VMO1: variants seen among roughly 807,000 people sequenced by gnomAD.
The protein encoded by VMO1 is vitelline membrane outer layer protein 1 homolog.
VMO1 carries 13 observed loss-of-function variants against 10.1 expected under a neutral mutation model. That is an observed-to-expected ratio of 1.29 (90% CI 0.84 to 2.05). VMO1 has a LOEUF of 2.05. Ranked by LOEUF, VMO1 falls within the 30% of genes most tolerant of loss-of-function variation. The pLI is 0.00. For synonymous variants in VMO1, 117 were observed against 122.2 expected (o/e 0.96, Z 0.28); for missense variants, 304 against 276.9 (o/e 1.10, Z -0.70).
Position 4,786,361 on chromosome 17 carries a change from G to C in VMO1, c.-9C>G. On this transcript the variant is annotated 5_prime_UTR_variant, in exon 1 of 3. Coordinates refer to ENST00000328739, the MANE Select transcript of VMO1 (RefSeq NM_182566.3). ...CCTGCGCCCCGCTCCATCCTGTAGCGTCTGTGAATCAGGCCTCCTAAGCAG... is the reference window on the plus strand; with the variant it reads ...CCTGCGCCCCGCTCCATCCTGTAGCCTCTGTGAATCAGGCCTCCTAAGCAG... 6.4e-7 allele frequency: 1 copy of C among 1,555,358 alleles called. No individual in the cohort carries two copies. Among genetic ancestry groups the C allele is most frequent in the Non-Finnish European group, 8.6e-7 (1 of 1,156,344 alleles).
Position 4,785,517 on chromosome 17 carries a change from G to A in VMO1, c.454C>T (p.Leu152=). 6.2e-7 allele frequency: 1 copy of A among 1,614,240 alleles called. No individual in the cohort carries two copies. The highest frequency in any genetic ancestry group is 1.1e-5 in the South Asian group (1 of 91,090). The change falls in exon 3 of 3, where the codon CTG becomes TTG. Residue 152 remains leucine (L), a synonymous_variant. Transcript: ENST00000328739. ...VRFRCSDGEE[L]QGPGLSWGDF... is the part of the protein sequence containing the mutation. ...CCCCAGCTCAGCCCAGGCCCCTGCA[G>A]TTCCTCGCCGTCTGAACAGCGGAAG...
rs375300214 is a variant in VMO1 at position 4,785,353 on chromosome 17, C to T, written c.*9G>A. Reference sequence around the variant, plus strand: ...CTGGCCCGGGAGAGAGCGGCGGCGGCGGCGCCGTTCAACTGCGGCAGCAGA... The same window carrying T: ...CTGGCCCGGGAGAGAGCGGCGGCGGTGGCGCCGTTCAACTGCGGCAGCAGA... On this transcript the variant is annotated 3_prime_UTR_variant, in exon 3 of 3. Transcript: ENST00000328739. 11 of 1,594,094 alleles carry T rather than the reference C, an allele frequency of 6.9e-6. No individual in the cohort carries two copies. The highest frequency in any genetic ancestry group is 3.4e-4 in the Middle Eastern group (2 of 5,962).
chr17:4,786,199 T>A lies in VMO1; in HGVS notation c.154A>T (p.Met52Leu). 1 of 1,608,928 alleles carries A rather than the reference T, an allele frequency of 6.2e-7. No individual in the cohort carries two copies. The highest frequency in any genetic ancestry group is 8.5e-7 in the Non-Finnish European group (1 of 1,176,954). Residue 52 changes from methionine (M) to leucine (L), a missense_variant, in exon 1 of 3, where the codon ATG becomes TTG. Physicochemically the swap from Met to Leu is conservative, Grantham distance 15. Transcript: ENST00000328739. ...GPWGDWAWPE[M>L]CPDGFFASGF... The stretch of plus-strand genomic sequence containing the variant: ...CTGGCGAAGAATCCATCGGGACACA[T>A]CTCAGGCCAGGCCCAGTCGCCCCAG...
chr17:4,786,193 G>C lies in VMO1; in HGVS notation c.160C>G (p.Pro54Ala). 6.2e-7 allele frequency: 1 copy of C among 1,607,076 alleles called. No homozygotes were observed. The highest frequency in any genetic ancestry group is 8.5e-7 in the Non-Finnish European group (1 of 1,175,506). The change falls in exon 1 of 3, where the codon CCC (proline) becomes GCC (alanine). Residue 54 changes from proline (P) to alanine (A), a missense_variant. Transcript: ENST00000328739. ...WGDWAWPEMC[P>A]DGFFASGFSL... ...AACCCGCTGGCGAAGAATCCATCGGGACACATCTCAGGCCAGGCCCAGTCG... is the reference window on the plus strand; with the variant it reads ...AACCCGCTGGCGAAGAATCCATCGGCACACATCTCAGGCCAGGCCCAGTCG...
chr17:4,785,628 G>A lies in VMO1; in HGVS notation c.343C>T (p.Arg115Cys), dbSNP rs1917454563. 1.2e-6 allele frequency: 2 copies of A among 1,612,060 alleles called. No homozygotes were observed. Among genetic ancestry groups the A allele is most frequent in the East Asian group, 2.2e-5 (1 of 44,872 alleles). Residue 115 changes from arginine to cysteine, a missense_variant, in exon 3 of 3, where the codon CGC (arginine) becomes TGC (cysteine). Physicochemically the swap from Arg to Cys is radical, Grantham distance 180. Transcript: ENST00000328739. ...WGEWSEPLWC[R>C]GGAYLVAFSL... ...AAAGCCACTAGGTAGGCGCCGCCGC[G>A]ACACCACAGCGGCTCACTCCATTCG...
rs562567490 is a variant in VMO1 at position 4,785,334 on chromosome 17, C to T, written c.*28G>A. On this transcript the variant is annotated 3_prime_UTR_variant, in exon 3 of 3. Coordinates refer to ENST00000328739, the MANE Select transcript of VMO1 (RefSeq NM_182566.3). Reference sequence around the variant, plus strand: ...AAGAGGTGGGACTAGCCTCCTGGCCCGGGAGAGAGCGGCGGCGGCGGCGCC... The same window carrying T: ...AAGAGGTGGGACTAGCCTCCTGGCCTGGGAGAGAGCGGCGGCGGCGGCGCC... 6.9e-6 allele frequency: 11 copies of T among 1,589,212 alleles called. No individual in the cohort carries two copies. The highest frequency in any genetic ancestry group is 1.7e-4 in the Middle Eastern group (1 of 5,922).
At position 4,785,764 on chromosome 17, in the gene VMO1, C is replaced by T. The variant is rs1181279405; in HGVS notation, c.312-105G>A. 4.0e-6 allele frequency: 6 copies of T among 1,508,416 alleles called. No homozygotes were observed. In the Admixed American group the frequency reaches 1.3e-4, roughly 32 times the overall value. The allele number at this position is 1,508,416 out of a possible 1,614,324, so 93.4% of individuals were successfully genotyped here. The stretch of plus-strand genomic sequence containing the variant: ...TGTATATGACCTGGTGGGCTGGGTG[C>T]TCCCCGACCTCCGCCGAGGAGCGGA... On this transcript the variant is annotated intron_variant, in intron 2 of 2. Coordinates refer to ENST00000328739, the MANE Select transcript of VMO1 (RefSeq NM_182566.3).
intron 1 of VMO1, 25 bp from the exon 2 acceptor site, chr17:4,786,077 G>A (rs980886688): frequency 3.6e-5 from 58 of 1,613,902 alleles, no homozygotes; most frequent in Non-Finnish European, 4.7e-5. Flanking sequence ...GAGGGGCAAG[G>A]GCGAGTCACG....
At chr17:4,785,700 CA>C (rs750221747) in intron 2 of VMO1, 41 bp from the exon 3 acceptor site, 8 of 1,570,120 alleles carry the variant, frequency 5.1e-6, no homozygotes, top group African/African-American at 1.4e-5. Context: ...GCGGGCCCCC[CA>C]TTCACCAAGC....
Position 4,785,527 on chromosome 17 carries a change from G to C in VMO1, c.444C>G (p.Asp148Glu), listed in dbSNP as rs370116470. Residue 148 changes from aspartate to glutamate, a missense_variant, in exon 3 of 3, where the codon GAC (aspartate) becomes GAG (glutamate). Asp to Glu is a conservative substitution (Grantham distance 45). Transcript: ENST00000328739. ...AANNVRFRCSDGEELQGPGLS... is the reference protein window; with the variant it reads ...AANNVRFRCSEGEELQGPGLS... ...GCCCAGGCCCCTGCAGTTCCTCGCC[G>C]TCTGAACAGCGGAAGCGCACGTTGT... 1.2e-6 allele frequency: 2 copies of C among 1,614,098 alleles called. No individual in the cohort carries two copies. The highest frequency in any genetic ancestry group is 2.7e-5 in the African/African-American group (2 of 74,958).
At position 4,785,433 on chromosome 17, in the gene VMO1, T is replaced by C. The variant is rs1917442883; in HGVS notation, c.538A>G (p.Ile180Val). Residue 180 changes from isoleucine to valine, a missense_variant, in exon 3 of 3, where the codon ATC (isoleucine) becomes GTC (valine). Ile to Val is a conservative substitution (Grantham distance 29, BLOSUM62 3). Transcript: ENST00000328739. Reference sequence around the variant, plus strand: ...TCGCCGAGGCCTCTAGGTCCCTGGATCTTGGTCTGCAGGCCGCACGCGCCC... The same window carrying C: ...TCGCCGAGGCCTCTAGGTCCCTGGACCTTGGTCTGCAGGCCGCACGCGCCC... ...PKGACGLQTKIQGPRGLGDDT... is the reference protein window; with the variant it reads ...PKGACGLQTKVQGPRGLGDDT... 2 of 1,614,178 alleles carry C rather than the reference T, an allele frequency of 1.2e-6. No homozygotes were observed. The highest frequency in any genetic ancestry group is 2.7e-5 in the African/African-American group (2 of 75,064).
chr17:4,785,586 C>A lies in VMO1; in HGVS notation c.385G>T (p.Ala129Ser), dbSNP rs1269286376. The A allele has an allele frequency of 3.1e-6, 5 of 1,613,618 alleles. No homozygotes were observed. The highest frequency in any genetic ancestry group is 1.1e-5 in the South Asian group (1 of 91,096). Residue 129 changes from alanine to serine, a missense_variant, in exon 3 of 3, where the codon GCA (alanine) becomes TCA (serine). Transcript: ENST00000328739. The part of the protein sequence containing the change: ...YLVAFSLRVE[A>S]PTTLGDNTAA... ...GTGTTGTCACCGAGGGTCGTGGGTG[C>A]CTCCACGCGAAGCGAGAAAGCCACT... is the stretch of plus-strand genomic sequence containing the variant.
Position 4,785,577 on chromosome 17 carries a change from T to C in VMO1, c.394A>G (p.Thr132Ala), listed in dbSNP as rs1250979632. 3 of 1,613,770 alleles carry C rather than the reference T, an allele frequency of 1.9e-6. No homozygotes were observed. The highest frequency in any genetic ancestry group is 2.5e-6 in the Non-Finnish European group (3 of 1,180,038). The change falls in exon 3 of 3, where the codon ACC becomes GCC. Residue 132 changes from threonine (T) to alanine (A), a missense_variant. Coordinates refer to ENST00000328739, the MANE Select transcript of VMO1 (RefSeq NM_182566.3). Reference protein sequence around the residue: ...AFSLRVEAPTTLGDNTAANNV... With the variant: ...AFSLRVEAPTALGDNTAANNV... The stretch of plus-strand genomic sequence containing the variant: ...TTCGCTGCTGTGTTGTCACCGAGGG[T>C]CGTGGGTGCCTCCACGCGAAGCGAG...
chr17:4,786,255 G>C lies in VMO1; in HGVS notation c.98C>G (p.Thr33Arg). Residue 33 changes from threonine to arginine, a missense_variant, in exon 1 of 3, where the codon ACG becomes AGG. Transcript: ENST00000328739. ...CAQTDGRNGY[T>R]AVIEVTSGGP... ...CCCGCTGGTCACTTCGATGACCGCC[G>C]TGTAGCCGTTCCGGCCATCTGTCTG... The C allele has an allele frequency of 6.2e-7, 1 of 1,612,150 alleles. No individual in the cohort carries two copies. Among genetic ancestry groups the C allele is most frequent in the South Asian group, 1.1e-5 (1 of 91,010 alleles).
At position 4,785,550 on chromosome 17, in the gene VMO1, T is replaced by C; in HGVS notation, c.421A>G (p.Asn141Asp). 1.2e-6 allele frequency: 2 copies of C among 1,614,164 alleles called. No homozygotes were observed. The highest frequency in any genetic ancestry group is 1.7e-6 in the Non-Finnish European group (2 of 1,180,040). The change falls in exon 3 of 3, where the codon AAC (asparagine) becomes GAC (aspartate). Residue 141 changes from asparagine (N) to aspartate (D), a missense_variant. Coordinates refer to ENST00000328739, the MANE Select transcript of VMO1 (RefSeq NM_182566.3). ...CCGTCTGAACAGCGGAAGCGCACGT[T>C]GTTCGCTGCTGTGTTGTCACCGAGG... The part of the protein sequence containing the change: ...TTLGDNTAAN[N>D]VRFRCSDGEE...
In VMO1 at chr17:4,786,308, A is replaced by AAGC; in HGVS notation, c.42_44dup (p.Leu16dup). ...CACATGTGAAACCAGTCGCCCGCAG[A>AAGC]AGCAGCAGCAGCGGCAGCAGCTTGG... On this transcript the variant is annotated inframe_insertion, in exon 1 of 3. Transcript: ENST00000328739. 6.2e-7 allele frequency: 1 copy of AAGC among 1,604,424 alleles called. No homozygotes were observed. Among genetic ancestry groups the AAGC allele is most frequent in the Non-Finnish European group, 8.5e-7 (1 of 1,178,554 alleles).
Position 4,785,968 on chromosome 17 carries a change from T to C in VMO1, c.280A>G (p.Asn94Asp). 6.2e-7 allele frequency: 1 copy of C among 1,614,118 alleles called. No homozygotes were observed. Among genetic ancestry groups the C allele is most frequent in the East Asian group, 2.2e-5 (1 of 44,852 alleles). ...LHCARGNVLG[N>D]THVVESQSGS... is the part of the protein sequence containing the mutation. ...GACTGGGACTCTACCACGTGCGTATTGCCTAGGACGTTCCCGCGCGCGCAG... is the reference window on the plus strand; with the variant it reads ...GACTGGGACTCTACCACGTGCGTATCGCCTAGGACGTTCCCGCGCGCGCAG... Residue 94 changes from asparagine to aspartate, a missense_variant, in exon 2 of 3, where the codon AAT becomes GAT. By Grantham distance (23) the Asn-to-Asp change is conservative. Coordinates refer to ENST00000328739, the MANE Select transcript of VMO1 (RefSeq NM_182566.3).
intron 2 of VMO1, 71 bp from the exon 3 acceptor site, chr17:4,785,730 C>T (rs960584860): frequency 1.0e-4 from 160 of 1,530,402 alleles, no homozygotes; most frequent in Non-Finnish European, 1.4e-4. Flanking sequence ...CTTTCCAAGC[C>T]AAGTGCTGTG....
chr17:4,786,182 G>T lies in VMO1; in HGVS notation c.171C>A (p.Phe57Leu), dbSNP rs1287801373. The T allele has an allele frequency of 1.9e-6, 3 of 1,602,172 alleles. No homozygotes were observed. Among genetic ancestry groups the T allele is most frequent in the African/African-American group, 1.3e-5 (1 of 74,716 alleles). Residue 57 changes from phenylalanine to leucine, a missense_variant, in exon 1 of 3, where the codon TTC becomes TTA. Physicochemically the swap from Phe to Leu is conservative, Grantham distance 22. Coordinates refer to ENST00000328739, the MANE Select transcript of VMO1 (RefSeq NM_182566.3). ...WAWPEMCPDG[F>L]FASGFSLKVE... ...CCTTGAGCGAGAACCCGCTGGCGAA[G>T]AATCCATCGGGACACATCTCAGGCC...
Sources: allele counts gnomAD v4.1 joint callset, GRCh38; gene constraint gnomAD v4.1.1; transcripts MANE v1.5; gene names NCBI Gene and HGNC (gene_info 2026-07-23, HGNC 2026-07-21).